Variants in PCDH11X observed in about 807,000 individuals in gnomAD.
PCDH11X encodes the protein protocadherin 11 X-linked, also known as protocadherin-11 X-linked.
Under a neutral mutation model 53.3 loss-of-function variants are expected in PCDH11X, and 18 were observed. The ratio of observed to expected loss-of-function variants is 0.34; its 90% CI spans 0.23 to 0.50. The LOEUF (loss-of-function observed/expected upper bound fraction) is 0.50, where lower values mean the gene tolerates loss of function less well. Ranked by LOEUF, PCDH11X falls within the 20% of genes least tolerant of loss-of-function variation. The pLI is 0.98. For synonymous variants in PCDH11X, 279 were observed against 393.3 expected (o/e 0.71, Z 3.44); for missense variants, 570 against 1,032.4 (o/e 0.55, Z 6.14).
chrX:92,214,408 G>A (rs1333154200), intron 7 of PCDH11X, among the ~76,000 whole-genome samples: 1 of 112,093 alleles, frequency 8.9e-6, no homozygotes, highest in Non-Finnish European at 1.9e-5. Flanking sequence ...TAGTAAGAAT[G>A]CAGCCAGTGA....
intron 6 of PCDH11X, among the ~76,000 whole-genome samples, chrX:92,153,066 G>A (rs1223912901): frequency 2.1e-4 from 23 of 108,039 alleles, no homozygotes; most frequent in Non-Finnish European, 3.2e-4. Context: ...GATTACAGGC[G>A]TGAGCCACCG....
chrX:92,549,023 G>A (rs1242431026), intron 10 of PCDH11X, among the ~76,000 whole-genome samples: 1 of 100,774 alleles, frequency 9.9e-6, no homozygotes, highest in African/African-American at 3.6e-5. Flanking sequence ...GCCTACACCA[G>A]GTACATCTGA....
intron 10 of PCDH11X, among the ~76,000 whole-genome samples, chrX:92,602,043 T>C (rs990822531): frequency 3.6e-5 from 4 of 112,149 alleles, no homozygotes; most frequent in African/African-American, 1.3e-4. Context: ...GACCAGAGGA[T>C]ACTTCACCTG....
At chrX:91,856,886 A>G (rs1938364253) in intron 5 of PCDH11X, among the ~76,000 whole-genome samples, 1 of 111,607 alleles carries the variant, frequency 9.0e-6, no homozygotes, top group Non-Finnish European at 1.9e-5. Context: ...CATCTTTGCT[A>G]TTGTGAATAG....
chrX:92,091,212 T>G (rs1292921303), intron 6 of PCDH11X, among the ~76,000 whole-genome samples: 2 of 111,306 alleles, frequency 1.8e-5, no homozygotes, highest in African/African-American at 6.6e-5. Flanking sequence ...TTTAGAAGAC[T>G]GCAGAGTTAT....
At chrX:92,584,213 A>C (rs1924076110) in intron 10 of PCDH11X, among the ~76,000 whole-genome samples, 1 of 110,646 alleles carries the variant, frequency 9.0e-6, no homozygotes, top group Admixed American at 9.6e-5. Context: ...AAGATTTTAC[A>C]TTAAGAAGCT....
chrX:92,072,929 G>A (rs1602827425), intron 6 of PCDH11X, among the ~76,000 whole-genome samples: 2 of 111,239 alleles, frequency 1.8e-5, no homozygotes, highest in African/African-American at 3.3e-5. Flanking sequence ...CCTAGAGCAC[G>A]TTAGCTTGTG....
intron 6 of PCDH11X, among the ~76,000 whole-genome samples, chrX:92,143,414 C>T (rs2148220658): frequency 8.9e-6 from 1 of 112,506 alleles, no homozygotes; most frequent in Admixed American, 9.4e-5. Flanking sequence ...GGTTCCCATG[C>T]TGTGTGAAGC....
At chrX:92,498,040 T>C (rs906968682) in intron 10 of PCDH11X, among the ~76,000 whole-genome samples, 1 of 111,799 alleles carries the variant, frequency 8.9e-6, no homozygotes, top group African/African-American at 3.2e-5. Flanking sequence ...TTTTTGCAAT[T>C]ATTTATTTAT....
At chrX:92,270,551 G>A in intron 8 of PCDH11X, among the ~76,000 whole-genome samples, 1 of 111,934 alleles carries the variant, frequency 8.9e-6, no homozygotes, top group East Asian at 2.8e-4. Context: ...TTGCCAATGT[G>A]AAGGACATGC....
chrX:91,880,581 G>A (rs926406135), intron 6 of PCDH11X, among the ~76,000 whole-genome samples: 2 of 111,470 alleles, frequency 1.8e-5, no homozygotes, highest in East Asian at 2.8e-4. Flanking sequence ...CACAATGAAC[G>A]TAAGGTACTA....
At chrX:92,034,730 T>G (rs1342181204) in intron 6 of PCDH11X, among the ~76,000 whole-genome samples, 1 of 110,020 alleles carries the variant, frequency 9.1e-6, no homozygotes, top group Non-Finnish European at 1.9e-5. Flanking sequence ...GAGAGTTTAG[T>G]CTATTTATAT....
At chrX:92,403,210 TA>T (rs1466242253) in intron 9 of PCDH11X, among the ~76,000 whole-genome samples, 2 of 110,044 alleles carry the variant, frequency 1.8e-5, no homozygotes, top group Non-Finnish European at 3.8e-5. Context: ...TCTTCACCTT[TA>T]AAGTTTTCAA....
chrX:92,239,702 T>C (rs2067231026), intron 7 of PCDH11X, among the ~76,000 whole-genome samples: 2 of 111,625 alleles, frequency 1.8e-5, no homozygotes, highest in South Asian at 7.4e-4. Flanking sequence ...TAACTCAGAG[T>C]ACTTTATTTC....
intron 7 of PCDH11X, among the ~76,000 whole-genome samples, chrX:92,246,505 C>T (rs1245782526): frequency 2.7e-5 from 3 of 110,601 alleles, no homozygotes; most frequent in Non-Finnish European, 3.8e-5. Context: ...GTGCCCGGAA[C>T]CATGCCTGGC....
intron 6 of PCDH11X, among the ~76,000 whole-genome samples, chrX:92,023,820 A>G (rs965488175): frequency 9.1e-6 from 1 of 109,521 alleles, no homozygotes; most frequent in African/African-American, 3.3e-5. Flanking sequence ...ATCCACCACA[A>G]TCAAGTCGGC....
intron 6 of PCDH11X, among the ~76,000 whole-genome samples, chrX:92,105,549 G>GA (rs1476662290): frequency 9.1e-6 from 1 of 109,468 alleles, no homozygotes; most frequent in Non-Finnish European, 1.9e-5. Context: ...AGCGAAGGGA[G>GA]ATAGGGGTGG....
At chrX:92,496,883 A>G (rs193079424) in intron 10 of PCDH11X, among the ~76,000 whole-genome samples, 1 of 108,169 alleles carries the variant, frequency 9.2e-6, no homozygotes, top group Admixed American at 9.9e-5. Context: ...GTTAGTTCTC[A>G]GTCATTAGCT....
chrX:91,907,410 C>CAGAGAGAGAGAGAGAGAG (rs1302662059), intron 6 of PCDH11X, among the ~76,000 whole-genome samples: 3 of 56,203 alleles, frequency 5.3e-5, no homozygotes, highest in African/African-American at 2.2e-4. Context: ...CACACACACA[C>CAGAGAGAGAGAGAGAGAG]ACAGAGAGAG....
Sources: gnomAD v4.1 joint callset for allele counts (sites outside exome capture counted in the v4.1 genomes callset) on GRCh38, gnomAD v4.1.1 for gene constraint, MANE v1.5 for transcripts, NCBI Gene and HGNC (gene_info 2026-07-23, HGNC 2026-07-21) for gene names.